SLC25A30: variants seen among roughly 807,000 people sequenced by gnomAD.
SLC25A30 encodes solute carrier family 25 member 30.
SLC25A30 carries 29 observed loss-of-function variants against 42.7 expected under a neutral mutation model. The observed-to-expected ratio is 0.68, with a 90% CI of 0.51 to 0.93. The LOEUF (loss-of-function observed/expected upper bound fraction) is 0.93. Among genes scored for constraint, SLC25A30 ranks in the 40% least tolerant of loss-of-function variants. SLC25A30 has a pLI of 0.00. For synonymous variants in SLC25A30, 124 were observed against 131.0 expected (o/e 0.95, Z 0.37); for missense variants, 300 against 359.7 (o/e 0.83, Z 1.34).
rs1881192411 is a variant in SLC25A30, at chr13:45,394,794, C to T, written c.*1180G>A. The T allele has an allele frequency of 2.0e-6, 2 of 985,068 alleles. No individual in the cohort carries two copies. The highest frequency in any genetic ancestry group is 4.7e-5 in the South Asian group (1 of 21,272). The allele number at this position is 985,068 out of a possible 1,614,324, so 61.0% of individuals were successfully genotyped here. A position where few individuals can be genotyped will look rare whatever the true frequency, so the allele number is the denominator to read the frequency against. On this transcript the variant is annotated 3_prime_UTR_variant, in exon 10 of 10. Coordinates refer to ENST00000519676, the MANE Select transcript of SLC25A30 (RefSeq NM_001010875.4). ...CTATCAGAAACTAGCTAAATAGATG[C>T]ACTAAAGAAATCATTTTTAAAATTT...
intron 5 of SLC25A30, among the ~76,000 whole-genome samples, chr13:45,403,356 T>C (rs1882180000): frequency 6.6e-6 from 1 of 152,180 alleles, no homozygotes; most frequent in Non-Finnish European, 1.5e-5. Flanking sequence ...GTCTTACTCA[T>C]ATTTGGATTC....
chr13:45,415,992 G>T (rs1883495009), intron 1 of SLC25A30, among the ~76,000 whole-genome samples: 1 of 150,826 alleles, frequency 6.6e-6, no homozygotes, highest in South Asian at 2.1e-4. Context: ...TAGAGATGGG[G>T]TTTCACCATG....
upstream of SLC25A30, among the ~76,000 whole-genome samples, chr13:45,419,762 T>C (rs1403256816): frequency 6.6e-6 from 1 of 151,502 alleles, no homozygotes; most frequent in Non-Finnish European, 1.5e-5. Flanking sequence ...AAAACCCATC[T>C]CTACTAAAAG....
intron 2 of SLC25A30, among the ~76,000 whole-genome samples, chr13:45,411,006 C>T (rs1882966726): frequency 6.6e-6 from 1 of 152,162 alleles, no homozygotes; most frequent in African/African-American, 2.4e-5. Context: ...GTGGTTCACA[C>T]ATGGCTCACT....
intron 3 of SLC25A30, 109 bp from the exon 4 acceptor site, chr13:45,406,086 CA>C: frequency 1.2e-5 from 11 of 947,870 alleles, no homozygotes; most frequent in African/African-American, 1.9e-5. Flanking sequence ...TTCTCTAAAA[CA>C]ATTTTTTTTT....
At chr13:45,424,839 A>G in the SLC25A30 span, among the ~76,000 whole-genome samples, 1 of 46,164 alleles carries the variant, frequency 2.2e-5, no homozygotes, top group Non-Finnish European at 3.7e-5. Flanking sequence ...TATATATATA[A>G]AAATATATAT....
chr13:45,424,290 AAT>A, the SLC25A30 span, among the ~76,000 whole-genome samples: 4 of 4,148 alleles, frequency 9.6e-4, 2 homozygotes, highest in Non-Finnish European at 1.7e-3. Flanking sequence ...TATATATATA[AAT>A]ATATAAATAT....
At chr13:45,410,942 ACTTT>A (rs1243903952) in intron 2 of SLC25A30, among the ~76,000 whole-genome samples, 1 of 152,058 alleles carries the variant, frequency 6.6e-6, no homozygotes, top group African/African-American at 2.4e-5. Context: ...CCAAAAGAAA[ACTTT>A]CTTTTTTTTG....
chr13:45,404,949 G>T (rs1222135216), intron 4 of SLC25A30, among the ~76,000 whole-genome samples: 1 of 152,090 alleles, frequency 6.6e-6, no homozygotes, highest in Non-Finnish European at 1.5e-5. Flanking sequence ...TTGAGATAGG[G>T]TCTCACTCTG....
At chr13:45,396,825 C>A (rs957024787) in intron 9 of SLC25A30, 1 of 164,778 alleles carries the variant, frequency 6.1e-6, no homozygotes, top group Non-Finnish European at 1.3e-5. Context: ...CACTGTGGCA[C>A]ATAGGAAGCG....
the SLC25A30 span, among the ~76,000 whole-genome samples, chr13:45,425,380 G>A: frequency 9.4e-6 from 1 of 106,162 alleles, no homozygotes; most frequent in African/African-American, 3.8e-5. Context: ...AAATATATAA[G>A]TATATATGAA....
rs1194902728 is a variant in SLC25A30 at position 45,412,115 on chromosome 13, ACTT to A, written c.-55-638_-55-636del. On this transcript the variant is annotated intron_variant, in intron 1 of 9. Transcript: ENST00000519676. Reference sequence around the variant, plus strand: ...TGACAATTACTTAAAATTACAAGCTACTTCTTTTTTTGTTTTTTTTTTAAGACA... The same window carrying A: ...TGACAATTACTTAAAATTACAAGCTACTTTTTTTGTTTTTTTTTTAAGACA... Among the ~76,000 whole-genome samples the A allele has an allele frequency of 6.0e-5, 9 of 148,814 alleles. No homozygotes were observed. In the South Asian group the frequency reaches 1.7e-3, roughly 28 times the overall value.
At chr13:45,425,152 A>T in the SLC25A30 span, among the ~76,000 whole-genome samples, 1 of 94,992 alleles carries the variant, frequency 1.1e-5, no homozygotes, top group East Asian at 2.7e-4. Flanking sequence ...ATATAAATAT[A>T]TTGATAAATA....
chr13:45,430,083 A>G, the SLC25A30 span, among the ~76,000 whole-genome samples: 1 of 152,122 alleles, frequency 6.6e-6, no homozygotes, highest in Non-Finnish European at 1.5e-5. Context: ...GCAACTGTCA[A>G]TTCCAGGAAA....
the SLC25A30 span, among the ~76,000 whole-genome samples, chr13:45,424,809 A>AATATATAG: frequency 1.8e-5 from 1 of 56,500 alleles, no homozygotes; most frequent in African/African-American, 7.5e-5. Flanking sequence ...AATATATAAA[A>AATATATAG]AAATATAAAT....
At chr13:45,426,032 A>T in the SLC25A30 span, among the ~76,000 whole-genome samples, 1 of 146,954 alleles carries the variant, frequency 6.8e-6, no homozygotes, top group Non-Finnish European at 1.5e-5. Context: ...AAATATATAA[A>T]GTATATATTT....
chr13:45,426,478 T>C, the SLC25A30 span, among the ~76,000 whole-genome samples: 8 of 152,312 alleles, frequency 5.3e-5, no homozygotes, highest in East Asian at 1.3e-3. Context: ...AAGAGTAAAA[T>C]CTTCACAATG....
chr13:45,422,632 G>A (rs1211196159), upstream of SLC25A30, among the ~76,000 whole-genome samples: 1 of 152,098 alleles, frequency 6.6e-6, no homozygotes, highest in East Asian at 1.9e-4. Flanking sequence ...GCTGCTAAAC[G>A]TTCAACAATG....
intron 2 of SLC25A30, among the ~76,000 whole-genome samples, chr13:45,410,546 G>C (rs1448289145): frequency 6.6e-6 from 1 of 151,158 alleles, no homozygotes; most frequent in Non-Finnish European, 1.5e-5. Flanking sequence ...CACATCTGTA[G>C]TCTCACCTAT....
Sources: allele counts gnomAD v4.1 joint callset (sites outside exome capture counted in the v4.1 genomes callset), GRCh38; gene constraint gnomAD v4.1.1; transcripts MANE v1.5; gene names NCBI Gene and HGNC (gene_info 2026-07-23, HGNC 2026-07-21).